The following CDH22 variants were observed in gnomAD, a reference collection of about 807,000 sequenced individuals.
CDH22 encodes cadherin-22.
Under a neutral mutation model 58.4 loss-of-function variants are expected in CDH22, and 30 were observed. That is an observed-to-expected ratio of 0.51 (90% CI 0.38 to 0.70). CDH22 has a LOEUF of 0.70. Ranked by LOEUF, CDH22 falls within the 30% of genes least tolerant of loss-of-function variation. The probability of loss-of-function intolerance (pLI) is 0.00; values close to 1 mark genes in which losing one functional copy is unlikely to be tolerated. For synonymous variants in CDH22, 513 were observed against 558.2 expected, an observed-to-expected ratio of 0.92 and a Z score of 1.14; for missense variants, 1,014 against 1,233.9, an observed-to-expected ratio of 0.82 and a Z score of 2.67.
intron 1 of CDH22, among the ~76,000 whole-genome samples, chr20:46,295,980 C>T (rs977155399): frequency 7.9e-5 from 12 of 152,176 alleles, no homozygotes; most frequent in Non-Finnish European, 1.2e-4. Context: ...CCAGGCTTGT[C>T]TGAAACTCCT....
intron 1 of CDH22, among the ~76,000 whole-genome samples, chr20:46,259,317 C>A (rs973316905): frequency 2.0e-5 from 3 of 152,150 alleles, no homozygotes; most frequent in Non-Finnish European, 2.9e-5. Context: ...TACTAGGTAC[C>A]AAGTTCTGTG....
intron 7 of CDH22, among the ~76,000 whole-genome samples, chr20:46,200,131 G>A (rs1434369933): frequency 6.6e-5 from 10 of 151,780 alleles, no homozygotes; most frequent in African/African-American, 2.2e-4. Context: ...CCGCCACCAC[G>A]CCCGGCTAAT....
At chr20:46,179,906 C>T (rs2085772148) in intron 10 of CDH22, among the ~76,000 whole-genome samples, 1 of 152,192 alleles carries the variant, frequency 6.6e-6, no homozygotes, top group Non-Finnish European at 1.5e-5. Flanking sequence ...TCATAAAGTT[C>T]CTGCTCTCTG....
chr20:46,301,464 A>G (rs1002877961), intron 1 of CDH22, among the ~76,000 whole-genome samples: 1 of 151,302 alleles, frequency 6.6e-6, no homozygotes, highest in Non-Finnish European at 1.5e-5. Flanking sequence ...CATGTTTCTC[A>G]TTTTCTCATT....
Position 46,174,470 on chromosome 20 carries a change from G to A in CDH22, c.*36C>T, listed in dbSNP as rs1291649546. ...CCTGGGGCCCCGGCGTGTGCTGGGC[G>A]GGTGAGCAGCCGCGCCCCGACGGCA... is the stretch of plus-strand genomic sequence containing the variant. On this transcript the variant is annotated 3_prime_UTR_variant, in exon 12 of 12. Transcript: ENST00000537909. This position sits in a 1 kb window ranked among gnomAD's most constrained non-coding sequence, Gnocchi z 4.4. 7.3e-7 allele frequency: 1 copy of A among 1,374,204 alleles called. No homozygotes were observed. The highest frequency in any genetic ancestry group is 1.5e-5 in the African/African-American group (1 of 65,524). The allele number at this position is 1,374,204 out of a possible 1,614,324, so 85.1% of individuals were successfully genotyped here.
intron 8 of CDH22, among the ~76,000 whole-genome samples, chr20:46,194,790 T>C (rs1452082698): frequency 6.6e-6 from 1 of 152,140 alleles, no homozygotes; most frequent in Non-Finnish European, 1.5e-5. Flanking sequence ...AGTGCAGTGG[T>C]GCAATCTCGG....
rs3082934 is a variant in CDH22, at chr20:46,236,649, ATATCTATCTATCTATC to A, written c.550+4298_550+4313del. 4.4e-5 allele frequency among the ~76,000 whole-genome samples: 6 copies of A among 135,830 alleles called. No homozygotes were observed. In the East Asian group the frequency reaches 1.0e-3, roughly 23 times the overall value. 89.1% of individuals were successfully genotyped at this position (135,830 alleles called of 152,430 possible). On this transcript the variant is annotated intron_variant, in intron 3 of 11. Transcript: ENST00000537909. Reference sequence around the variant, plus strand: ...TATATTTGTATATATTTATATATTAATATCTATCTATCTATCTATCTATCTATCTATCTATATATAC... The same window carrying A: ...TATATTTGTATATATTTATATATTAATATCTATCTATCTATCTATATATAC...
intron 11 of CDH22, among the ~76,000 whole-genome samples, chr20:46,177,501 T>G (rs2085749540): frequency 6.6e-6 from 1 of 152,076 alleles, no homozygotes. Context: ...GAAGACCTAA[T>G]ATCAAATCCA....
intron 1 of CDH22, among the ~76,000 whole-genome samples, chr20:46,280,744 TCTGTA>T (rs1254217518): frequency 6.6e-6 from 1 of 152,212 alleles, no homozygotes; most frequent in South Asian, 2.1e-4. Context: ...ACTTCCTCAC[TCTGTA>T]AGATAAGACC....
At chr20:46,261,393 A>G (rs537455639) in intron 1 of CDH22, among the ~76,000 whole-genome samples, 1 of 152,336 alleles carries the variant, frequency 6.6e-6, no homozygotes, top group Admixed American at 6.5e-5. Context: ...TCATGTATTT[A>G]TTTAACAACT....
At chr20:46,272,081 C>T (rs1453915516) in intron 1 of CDH22, among the ~76,000 whole-genome samples, 1 of 152,214 alleles carries the variant, frequency 6.6e-6, no homozygotes, top group Non-Finnish European at 1.5e-5. Flanking sequence ...TGGCATCTCT[C>T]ATCCCTGCAC....
intron 3 of CDH22, among the ~76,000 whole-genome samples, chr20:46,232,016 G>A (rs1034616744): frequency 1.8e-4 from 28 of 152,148 alleles, no homozygotes; most frequent in Non-Finnish European, 5.9e-5. Context: ...GAGGCACCTG[G>A]GGCTGTGCCT....
At chr20:46,288,837 C>A (rs2086587546) in intron 1 of CDH22, among the ~76,000 whole-genome samples, 2 of 152,180 alleles carry the variant, frequency 1.3e-5, no homozygotes, top group Non-Finnish European at 2.9e-5. Context: ...CCTGGTCCGG[C>A]CACCATCATC....
chr20:46,178,586 CTTTTT>C (rs33937889), intron 10 of CDH22, among the ~76,000 whole-genome samples: 1,349 of 95,344 alleles, frequency 0.014, 31 homozygotes, highest in African/African-American at 0.054. Context: ...CTGGCGTTGT[CTTTTT>C]TTTTTTTTTT....
intron 1 of CDH22, among the ~76,000 whole-genome samples, chr20:46,284,324 TG>T (rs2086566371): frequency 6.6e-6 from 1 of 152,252 alleles, no homozygotes; most frequent in African/African-American, 2.4e-5. Context: ...TCAGCCTCCC[TG>T]CTCCTAAGCC....
intron 1 of CDH22, among the ~76,000 whole-genome samples, chr20:46,256,540 C>G (rs1019129092): frequency 7.9e-5 from 12 of 151,874 alleles, no homozygotes; most frequent in Non-Finnish European, 1.6e-4. Flanking sequence ...TCGGGGGTCT[C>G]GTGTTGCTGA....
chr20:46,277,455 A>G (rs1452000344), intron 1 of CDH22, among the ~76,000 whole-genome samples: 5 of 152,252 alleles, frequency 3.3e-5, no homozygotes, highest in African/African-American at 1.2e-4. Flanking sequence ...GAATAAGGCA[A>G]TAACTGGTTG....
intron 1 of CDH22, among the ~76,000 whole-genome samples, chr20:46,278,032 A>G (rs943540315): frequency 2.6e-5 from 4 of 151,700 alleles, no homozygotes; most frequent in African/African-American, 7.3e-5. Context: ...GACAAGAGGA[A>G]GGAAGGATCC....
chr20:46,276,380 T>G (rs1333204822), intron 1 of CDH22, among the ~76,000 whole-genome samples: 1 of 152,160 alleles, frequency 6.6e-6, no homozygotes, highest in East Asian at 1.9e-4. Flanking sequence ...CGGAGTTGCT[T>G]CAGGGAGGCT....
Sources: gnomAD v4.1 joint callset for allele counts (sites outside exome capture counted in the v4.1 genomes callset) on GRCh38, gnomAD v4.1.1 for gene constraint, Gnocchi (gnomAD v3.1) non-coding constraint, MANE v1.5 for transcripts, NCBI Gene and HGNC (gene_info 2026-07-23, HGNC 2026-07-21) for gene names.